Variants in UNC5CL observed in about 807,000 individuals in gnomAD.
UNC5CL encodes UNC5C-like protein.
Under a neutral mutation model 54.1 loss-of-function variants are expected in UNC5CL, and 42 were observed. That is an observed-to-expected ratio of 0.78 (90% CI 0.61 to 1.00). The LOEUF is 1.00. UNC5CL is among the 50% of genes least tolerant of loss of function. The pLI is 0.00. For missense variants in UNC5CL, 619 were observed against 675.6 expected (o/e 0.92, Z 0.93); for synonymous variants, 285 against 285.1 (o/e 1.00, Z 0.00).
In UNC5CL at chr6:41,028,502, G is replaced by A; in HGVS notation, c.1428C>T (p.Thr476=). 6.2e-7 allele frequency: 1 copy of A among 1,613,852 alleles called. No homozygotes were observed. Among genetic ancestry groups the A allele is most frequent in the Non-Finnish European group, 8.5e-7 (1 of 1,180,016 alleles). Reference sequence around the variant, plus strand: ...AGGCGCAGTCTAGCCGCTCCATGACGGTCATGAGGTAGTGCAGCTCCTGCA... The same window carrying A: ...AGGCGCAGTCTAGCCGCTCCATGACAGTCATGAGGTAGTGCAGCTCCTGCA... ...GSLQELHYLM[T]VMERLDCASA... Residue 476 remains threonine (T), a synonymous_variant, in exon 9 of 9, where the codon ACC becomes ACT. Transcript: ENST00000244565. This position sits in a 1 kb window ranked among gnomAD's most constrained non-coding sequence, Gnocchi z 4.3.
At position 41,028,623 on chromosome 6, in the gene UNC5CL, G is replaced by T. The variant is rs770683864; in HGVS notation, c.1335-28C>A. 13 of 1,604,040 alleles carry T rather than the reference G, an allele frequency of 8.1e-6. No homozygotes were observed. The East Asian group carries it at 2.9e-4, about 36-fold the overall frequency. On this transcript the variant is annotated intron_variant, in intron 8 of 8. Coordinates refer to ENST00000244565, the MANE Select transcript of UNC5CL (RefSeq NM_173561.3). The surrounding 1 kb of genome is among the most constrained non-coding windows in gnomAD (Gnocchi z 4.3). The stretch of plus-strand genomic sequence containing the variant: ...GGCCCGAGGTAGGGGAGGAAGAGAA[G>T]GGTGTAGGAGCAGGGAGGGGCTCCC...
intron 4 of UNC5CL, 144 bp from the exon 5 acceptor site, chr6:41,032,281 C>A: frequency 2.9e-6 from 2 of 684,988 alleles, no homozygotes; most frequent in Non-Finnish European, 5.1e-6. Flanking sequence ...GCTGGGACCC[C>A]AAGAGGGCCC....
Position 41,032,137 on chromosome 6 carries a change from C to G in UNC5CL, c.950G>C (p.Gly317Ala), listed in dbSNP as rs748755020. 2 of 1,614,048 alleles carry G rather than the reference C, an allele frequency of 1.2e-6. No homozygotes were observed. Among genetic ancestry groups the G allele is most frequent in the Non-Finnish European group, 1.7e-6 (2 of 1,179,930 alleles). ...QCLKLTYISE[G>A]WENVDDSSCQ... ...ACTGCTGTCATCCACATTCTCCCAACCTGGTGAGTAGGCAGACAGCAGAGG... is the reference window on the plus strand; with the variant it reads ...ACTGCTGTCATCCACATTCTCCCAAGCTGGTGAGTAGGCAGACAGCAGAGG... Residue 317 changes from glycine (G) to alanine (A), a missense_variant and splice_region_variant, in exon 5 of 9, where the codon GGT (glycine) becomes GCT (alanine). Coordinates refer to ENST00000244565, the MANE Select transcript of UNC5CL (RefSeq NM_173561.3).
chr6:41,038,206 T>C (rs1199124185), intron 1 of UNC5CL, among the ~76,000 whole-genome samples: 3 of 151,844 alleles, frequency 2.0e-5, no homozygotes, highest in Admixed American at 2.0e-4. Flanking sequence ...TAAAGACAAA[T>C]AGAAGGACCT....
intron 1 of UNC5CL, among the ~76,000 whole-genome samples, chr6:41,037,866 A>G (rs1254854124): frequency 2.0e-5 from 3 of 152,232 alleles, no homozygotes; most frequent in Non-Finnish European, 4.4e-5. Context: ...TCCAACTGTA[A>G]TAACAATAGC....
rs736795 is a variant in UNC5CL at position 41,030,402 on chromosome 6, G to A, written c.1320C>T (p.Cys440=). Residue 440 remains cysteine, a synonymous_variant, in exon 8 of 9, where the codon TGC becomes TGT. Transcript: ENST00000244565. ...CCTCTTCCTACCGGATCTTCATGCC[G>A]CAAAGCCCCAGGTGGGAGGCCAGTC... The part of the protein sequence containing the change: ...WRRLASHLGL[C]GMKIRFLSCQ... 0.25 allele frequency: 409,150 copies of A among 1,613,508 alleles called. 53,353 individuals carry two copies. Among genetic ancestry groups the A allele is most frequent in the South Asian group, 0.36 (32,746 of 91,066 alleles).
At chr6:41,033,339 CTG>C in intron 3 of UNC5CL, among the ~76,000 whole-genome samples, 193 bp from the exon 4 acceptor site, 1 of 152,140 alleles carries the variant, frequency 6.6e-6, no homozygotes, top group Non-Finnish European at 1.5e-5. Flanking sequence ...TGACTGGTGA[CTG>C]AATGGGGAGG....
At chr6:41,030,359 C>T in intron 8 of UNC5CL, 29 bp downstream of exon 8, 1 of 1,609,434 alleles carries the variant, frequency 6.2e-7, no homozygotes, top group Non-Finnish European at 8.5e-7. Flanking sequence ...CCCTCCTCTA[C>T]CATCCACAGA....
Position 41,028,379 on chromosome 6 carries a change from C to A in UNC5CL, c.1551G>T (p.Lys517Asn), listed in dbSNP as rs1318226876. Residue 517 changes from lysine to asparagine, a missense_variant, in exon 9 of 9, where the codon AAG becomes AAT. Lys to Asn is a moderately conservative substitution (Grantham distance 94). Coordinates refer to ENST00000244565, the MANE Select transcript of UNC5CL (RefSeq NM_173561.3). This position sits in a 1 kb window ranked among gnomAD's most constrained non-coding sequence, Gnocchi z 4.3. ...RDNQGLELDE[K>N]L is the part of the protein sequence containing the mutation. The stretch of plus-strand genomic sequence containing the variant: ...GGCCCTGCCCGCTGGGCGCTCAGAG[C>A]TTCTCGTCCAGCTCCAGGCCCTGGT... The A allele has an allele frequency of 2.5e-6, 4 of 1,581,124 alleles. No homozygotes were observed. Among genetic ancestry groups the A allele is most frequent in the Non-Finnish European group, 3.4e-6 (4 of 1,163,966 alleles).
rs1762427949 is a variant in UNC5CL at position 41,029,469 on chromosome 6, C to G, written c.1335-874G>C. Among the ~76,000 whole-genome samples the G allele has an allele frequency of 6.6e-6, 1 of 152,230 alleles. No homozygotes were observed. Among genetic ancestry groups the G allele is most frequent in the African/African-American group, 2.4e-5 (1 of 41,464 alleles). On this transcript the variant is annotated intron_variant, in intron 8 of 8. Transcript: ENST00000244565. The surrounding 1 kb of genome is among the most constrained non-coding windows in gnomAD (Gnocchi z 4.1). ...TACAGGAAGGCACAAGGAACACTTGCCTTTATTTTTCAAGCTCTCTGAACC... is the reference window on the plus strand; with the variant it reads ...TACAGGAAGGCACAAGGAACACTTGGCTTTATTTTTCAAGCTCTCTGAACC...
intron 1 of UNC5CL, among the ~76,000 whole-genome samples, chr6:41,035,660 T>C (rs1345328757): frequency 6.6e-6 from 1 of 152,234 alleles, no homozygotes. Flanking sequence ...TTTAATTACA[T>C]GCAGTAAGGG....
intron 5 of UNC5CL, 38 bp downstream of exon 5, chr6:41,031,998 A>G (rs758671684): frequency 4.4e-6 from 7 of 1,598,286 alleles, no homozygotes; most frequent in Non-Finnish European, 6.0e-6. Flanking sequence ...GGATGGGAAA[A>G]GAGAGGGGAG....
At position 41,028,396 on chromosome 6, in the gene UNC5CL, G is replaced by C. The variant is rs565658554; in HGVS notation, c.1534C>G (p.Leu512Val). The stretch of plus-strand genomic sequence containing the variant: ...GCTCAGAGCTTCTCGTCCAGCTCCA[G>C]GCCCTGGTTATCCCGGGCGCCCCCG... The part of the protein sequence containing the change: ...ERGGARDNQG[L>V]ELDEKL The change falls in exon 9 of 9, where the codon CTG becomes GTG. Residue 512 changes from leucine (L) to valine (V), a missense_variant. Transcript: ENST00000244565. The surrounding 1 kb of genome is among the most constrained non-coding windows in gnomAD (Gnocchi z 4.3). 5.6e-6 allele frequency: 9 copies of C among 1,599,282 alleles called. No individual in the cohort carries two copies. Among genetic ancestry groups the C allele is most frequent in the African/African-American group, 5.3e-5 (4 of 74,872 alleles).
At position 41,028,618 on chromosome 6, in the gene UNC5CL, G is replaced by A. The variant is rs557175616; in HGVS notation, c.1335-23C>T. The A allele has an allele frequency of 5.0e-6, 8 of 1,608,346 alleles. No homozygotes were observed. The Admixed American group carries it at 1.2e-4, about 23-fold the overall frequency. ...AACCTGGCCCGAGGTAGGGGAGGAA[G>A]AGAAGGGTGTAGGAGCAGGGAGGGG... is the stretch of plus-strand genomic sequence containing the variant. On this transcript the variant is annotated intron_variant, in intron 8 of 8. Coordinates refer to ENST00000244565, the MANE Select transcript of UNC5CL (RefSeq NM_173561.3). This position sits in a 1 kb window ranked among gnomAD's most constrained non-coding sequence, Gnocchi z 4.3.
chr6:41,033,105 G>A lies in UNC5CL; in HGVS notation c.728C>T (p.Ala243Val). The A allele has an allele frequency of 5.6e-6, 9 of 1,612,874 alleles. No individual in the cohort carries two copies. The highest frequency in any genetic ancestry group is 7.6e-6 in the Non-Finnish European group (9 of 1,179,588). ...CVLEAPVGRE[A>V]RKWLQLAVFC... ...TACGGCCAGCTGCAGCCATTTGCGGGCTTCGCGCCCCACAGGTGCCTCCAG... is the reference window on the plus strand; with the variant it reads ...TACGGCCAGCTGCAGCCATTTGCGGACTTCGCGCCCCACAGGTGCCTCCAG... Residue 243 changes from alanine to valine, a missense_variant, in exon 4 of 9, where the codon GCC becomes GTC. By Grantham distance (64) the Ala-to-Val change is moderately conservative (BLOSUM62 0). Transcript: ENST00000244565.
chr6:41,030,675 G>A lies in UNC5CL; in HGVS notation c.1200C>T (p.Ser400=), dbSNP rs1436491596. Residue 400 remains serine (S), a synonymous_variant, in exon 7 of 9, where the codon TCC becomes TCT. Transcript: ENST00000244565. ...CTCACCTATTGCATGGGGGCGGCTGGGAAACAGGTGGTGGCGCTGCCCAGG... is the reference window on the plus strand; with the variant it reads ...CTCACCTATTGCATGGGGGCGGCTGAGAAACAGGTGGTGGCGCTGCCCAGG... ...EESWAAPPPV[S]QPPPCNRLPP... The A allele has an allele frequency of 1.9e-6, 3 of 1,613,988 alleles. No homozygotes were observed. Among genetic ancestry groups the A allele is most frequent in the Non-Finnish European group, 2.5e-6 (3 of 1,180,022 alleles).
rs1762411283 is a variant in UNC5CL, at chr6:41,028,264, T to G, written c.*109A>C. On this transcript the variant is annotated 3_prime_UTR_variant, in exon 9 of 9. Coordinates refer to ENST00000244565, the MANE Select transcript of UNC5CL (RefSeq NM_173561.3). The surrounding 1 kb of genome is among the most constrained non-coding windows in gnomAD (Gnocchi z 4.3). ...GGCGGCCCTGGCACCGTCCGAGGGT[T>G]CTGGGAAGGGTGGTGGGCACAGCCA... 6 of 1,214,728 alleles carry G rather than the reference T, an allele frequency of 4.9e-6. No homozygotes were observed. The highest frequency in any genetic ancestry group is 6.7e-6 in the Non-Finnish European group (6 of 896,556). 75.2% of individuals were successfully genotyped at this position (1,214,728 alleles called of 1,614,324 possible).
rs184927215 is a variant in UNC5CL, at chr6:41,027,563, G to C, written c.*810C>G. ...GTTTTCTGATAGAGAAAATGGCAGA[G>C]AGAGAGGAAGACACGGCCTAAGCAG... On this transcript the variant is annotated 3_prime_UTR_variant, in exon 9 of 9. Coordinates refer to ENST00000244565, the MANE Select transcript of UNC5CL (RefSeq NM_173561.3). 3.6e-4 allele frequency: 55 copies of C among 152,358 alleles called. No individual in the cohort carries two copies. The highest frequency in any genetic ancestry group is 1.3e-3 in the African/African-American group (54 of 41,576). 9.4% of individuals were successfully genotyped at this position (152,358 alleles called of 1,614,324 possible).
Position 41,034,120 on chromosome 6 carries a change from G to T in UNC5CL, c.447C>A (p.Asp149Glu), listed in dbSNP as rs114639063. The change falls in exon 3 of 9, where the codon GAC (aspartate) becomes GAA (glutamate). Residue 149 changes from aspartate to glutamate, a missense_variant. Coordinates refer to ENST00000244565, the MANE Select transcript of UNC5CL (RefSeq NM_173561.3). ...VSLILVWDLS[D>E]APSLSQAQGL... Reference sequence around the variant, plus strand: ...CCTGGGCTTGGGACAGCGATGGGGCGTCCGACAGGTCCCACACCAGGATCA... The same window carrying T: ...CCTGGGCTTGGGACAGCGATGGGGCTTCCGACAGGTCCCACACCAGGATCA... 1 of 1,613,914 alleles carries T rather than the reference G, an allele frequency of 6.2e-7. No homozygotes were observed. The highest frequency in any genetic ancestry group is 8.5e-7 in the Non-Finnish European group (1 of 1,179,916).
Sources: allele counts gnomAD v4.1 joint callset (sites outside exome capture counted in the v4.1 genomes callset), GRCh38; gene constraint gnomAD v4.1.1; non-coding constraint Gnocchi (gnomAD v3.1); transcripts MANE v1.5; gene names NCBI Gene and HGNC (gene_info 2026-07-23, HGNC 2026-07-21).